Variants in NBEA observed in about 807,000 individuals in gnomAD.
NBEA encodes the protein neurobeachin.
In NBEA, 44 loss-of-function variants were observed where a neutral mutation model predicts 343.4. The observed-to-expected ratio is 0.13, with a 90% CI of 0.10 to 0.16. NBEA has a LOEUF of 0.16. Among genes scored for constraint, NBEA ranks in the 10% least tolerant of loss-of-function variants. The pLI, the probability that NBEA is intolerant of heterozygous loss-of-function variation, is 1.00. For synonymous variants in NBEA, 1,175 were observed against 1,238.7 expected (o/e 0.95, Z 1.08); for missense variants, 2,555 against 3,631.3 (o/e 0.70, Z 7.62).
chr13:35,636,068 G>A (rs1218428330), intron 49 of NBEA, among the ~76,000 whole-genome samples: 2 of 152,156 alleles, frequency 1.3e-5, no homozygotes, highest in South Asian at 2.1e-4. Flanking sequence ...GGTGAAAATT[G>A]CAGCCTGCTG....
chr13:35,584,348 C>T (rs1296659068), intron 46 of NBEA, among the ~76,000 whole-genome samples: 2 of 148,376 alleles, frequency 1.3e-5, no homozygotes, highest in Non-Finnish European at 3.0e-5. Flanking sequence ...GAGGGTCTCT[C>T]ACTCTGCCAC....
At chr13:34,991,172 A>G (rs142057502) in intron 1 of NBEA, among the ~76,000 whole-genome samples, 2 of 152,152 alleles carry the variant, frequency 1.3e-5, no homozygotes, top group African/African-American at 4.8e-5. Flanking sequence ...AACTGTTCCA[A>G]CCTCTGCCCA....
chr13:35,296,276 G>A (rs559339297), intron 35 of NBEA, among the ~76,000 whole-genome samples: 4 of 151,662 alleles, frequency 2.6e-5, no homozygotes, highest in South Asian at 2.1e-4. Flanking sequence ...AGCTACTCAG[G>A]TGACTGAGGC....
chr13:35,066,854 C>A (rs985426268), intron 8 of NBEA, among the ~76,000 whole-genome samples: 4 of 151,470 alleles, frequency 2.6e-5, no homozygotes, highest in South Asian at 2.1e-4. Context: ...TTCTTTATTT[C>A]TTCTTTACTG....
intron 38 of NBEA, among the ~76,000 whole-genome samples, chr13:35,398,429 C>T (rs539848828): frequency 6.6e-6 from 1 of 152,226 alleles, no homozygotes; most frequent in South Asian, 2.1e-4. Context: ...CCAGATCCAT[C>T]AGAGAAATCA....
intron 28 of NBEA, among the ~76,000 whole-genome samples, chr13:35,179,168 G>A (rs2071129421): frequency 6.6e-6 from 1 of 151,552 alleles, no homozygotes; most frequent in Non-Finnish European, 1.5e-5. Context: ...ATCTGGGTTT[G>A]AATTCTGACT....
chr13:35,062,982 A>C (rs2063519104), intron 8 of NBEA, among the ~76,000 whole-genome samples: 1 of 151,964 alleles, frequency 6.6e-6, no homozygotes, highest in South Asian at 2.1e-4. Flanking sequence ...GCTAAAACAA[A>C]ATTAACAAAG....
At chr13:35,480,580 A>T (rs899469220) in intron 41 of NBEA, among the ~76,000 whole-genome samples, 21 of 152,034 alleles carry the variant, frequency 1.4e-4, no homozygotes, top group Non-Finnish European at 1.6e-4. Flanking sequence ...CTGGGGAGAT[A>T]AAAAGAATAT....
intron 47 of NBEA, among the ~76,000 whole-genome samples, chr13:35,597,214 A>G (rs1180952621): frequency 6.6e-5 from 10 of 152,196 alleles, no homozygotes; most frequent in Admixed American, 5.9e-4. Flanking sequence ...CAGAATGTAT[A>G]TAATACTATT....
At position 35,196,285 on chromosome 13, in the gene NBEA, G is replaced by A. The variant is rs2152742094; in HGVS notation, c.5349G>A (p.Gln1783=). Reference sequence around the variant, plus strand: ...AAACACAAGCTATTCTTCCTATGCAGTTTCATTCCTTTGACAGGTAGGTAC... The same window carrying A: ...AAACACAAGCTATTCTTCCTATGCAATTTCATTCCTTTGACAGGTAGGTAC... The part of the protein sequence containing the change: ...KRETQAILPM[Q]FHSFDRSVVV... Residue 1783 remains glutamine (Q), a synonymous_variant, in exon 31 of 59, where the codon CAG becomes CAA. Transcript: ENST00000379939. The A allele has an allele frequency of 6.2e-7, 1 of 1,612,492 alleles. No homozygotes were observed. The highest frequency in any genetic ancestry group is 1.7e-5 in the Admixed American group (1 of 59,892).
chr13:35,620,995 C>G (rs1566420657), intron 48 of NBEA, among the ~76,000 whole-genome samples: 1 of 152,128 alleles, frequency 6.6e-6, no homozygotes, highest in Non-Finnish European at 1.5e-5. Context: ...TGTTTAGTGC[C>G]TGTTGTCAAC....
At chr13:35,486,709 C>T (rs1341129479) in intron 41 of NBEA, among the ~76,000 whole-genome samples, 2 of 152,002 alleles carry the variant, frequency 1.3e-5, no homozygotes, top group Non-Finnish European at 2.9e-5. Flanking sequence ...CTTGCATTTA[C>T]ATAAACAACA....
At chr13:35,031,195 A>C (rs1302020344) in intron 1 of NBEA, among the ~76,000 whole-genome samples, 1 of 151,650 alleles carries the variant, frequency 6.6e-6, no homozygotes, top group Admixed American at 6.6e-5. Context: ...TTGATTTTCC[A>C]ACCTTTTGTT....
intron 13 of NBEA, among the ~76,000 whole-genome samples, chr13:35,114,977 G>A (rs1026290782): frequency 5.9e-5 from 9 of 152,010 alleles, no homozygotes; most frequent in South Asian, 2.1e-4. Flanking sequence ...GTAGGCACTC[G>A]CCTTGAGAAG....
intron 38 of NBEA, among the ~76,000 whole-genome samples, chr13:35,423,356 C>T (rs1225078782): frequency 1.3e-5 from 2 of 152,160 alleles, no homozygotes; most frequent in Non-Finnish European, 2.9e-5. Flanking sequence ...CCAGTTTCAG[C>T]TTTCTACATA....
intron 58 of NBEA, among the ~76,000 whole-genome samples, chr13:35,669,372 T>C (rs1236151917): frequency 6.6e-6 from 1 of 152,178 alleles, no homozygotes; most frequent in Non-Finnish European, 1.5e-5. Flanking sequence ...CATGTAATAT[T>C]CCTCATAACA....
At chr13:35,651,936 A>C (rs2084542632) in intron 53 of NBEA, 60 bp downstream of exon 53, 1 of 935,806 alleles carries the variant, frequency 1.1e-6, no homozygotes, top group East Asian at 2.6e-5. Context: ...ATATATAGTT[A>C]TTTTTCATAA....
chr13:35,204,804 GT>G (rs1191140853), intron 31 of NBEA, among the ~76,000 whole-genome samples: 1 of 151,968 alleles, frequency 6.6e-6, no homozygotes, highest in East Asian at 1.9e-4. Context: ...CTAAAAAAAT[GT>G]TTTTACCACC....
intron 10 of NBEA, among the ~76,000 whole-genome samples, chr13:35,072,703 A>G (rs1197867775): frequency 6.6e-6 from 1 of 152,110 alleles, no homozygotes; most frequent in Non-Finnish European, 1.5e-5. Flanking sequence ...CTGGGATTAC[A>G]GGCACCTGCC....
Sources: allele counts gnomAD v4.1 joint callset (sites outside exome capture counted in the v4.1 genomes callset), GRCh38; gene constraint gnomAD v4.1.1; transcripts MANE v1.5; gene names NCBI Gene and HGNC (gene_info 2026-07-23, HGNC 2026-07-21).